The following SEMA4D variants were observed in gnomAD, a reference collection of about 807,000 sequenced individuals.
The protein encoded by SEMA4D is semaphorin-4D.
Under a neutral mutation model 74.8 loss-of-function variants are expected in SEMA4D, and 22 were observed. The ratio of observed to expected loss-of-function variants is 0.29; its 90% CI spans 0.21 to 0.42. The LOEUF is 0.42. SEMA4D is among the 10% of genes least tolerant of loss of function. The pLI, the probability that SEMA4D is intolerant of heterozygous loss-of-function variation, is 1.00. For missense variants in SEMA4D, 937 were observed against 1,118.4 expected (o/e 0.84, Z 2.31); for synonymous variants, 445 against 463.7 (o/e 0.96, Z 0.52).
intron 1 of SEMA4D, among the ~76,000 whole-genome samples, chr9:89,467,199 G>A (rs1056345202): frequency 6.6e-6 from 1 of 152,094 alleles, no homozygotes; most frequent in Admixed American, 6.5e-5. Flanking sequence ...CCTTGCACTT[G>A]TATGAGCACG....
intron 1 of SEMA4D, among the ~76,000 whole-genome samples, chr9:89,489,262 T>C (rs569470048): frequency 5.3e-5 from 8 of 152,224 alleles, no homozygotes; most frequent in Non-Finnish European, 1.0e-4. Context: ...TAATTCCACT[T>C]GTAGGTAGTT....
chr9:89,407,104 C>T (rs753940755), intron 2 of SEMA4D, among the ~76,000 whole-genome samples: 4 of 152,184 alleles, frequency 2.6e-5, no homozygotes, highest in Non-Finnish European at 5.9e-5. Flanking sequence ...TGGTAGAGAT[C>T]ACTGGCTTCC....
At chr9:89,420,495 T>TGG (rs1846685856) in intron 2 of SEMA4D, among the ~76,000 whole-genome samples, 2 of 152,250 alleles carry the variant, frequency 1.3e-5, no homozygotes, top group Non-Finnish European at 2.9e-5. Context: ...CATCCTCTCC[T>TGG]GGTGCACCCC....
intron 13 of SEMA4D, chr9:89,385,199 C>T: frequency 1.1e-6 from 1 of 936,114 alleles, no homozygotes; most frequent in Non-Finnish European, 1.3e-6. Context: ...CTTTGAGGAT[C>T]AGTGCCCATG....
intron 13 of SEMA4D, chr9:89,385,964 C>T (rs992021316): frequency 1.0e-6 from 1 of 980,550 alleles, no homozygotes; most frequent in African/African-American, 1.8e-5. Context: ...TGAGACGAAC[C>T]ACTTCTCTTG....
intron 1 of SEMA4D, among the ~76,000 whole-genome samples, chr9:89,463,305 C>G (rs1273154909): frequency 6.6e-6 from 1 of 152,208 alleles, no homozygotes; most frequent in Non-Finnish European, 1.5e-5. Context: ...GGGAAAGCCA[C>G]AGTGGAACAT....
At chr9:89,425,343 G>A (rs1847875721) in intron 2 of SEMA4D, among the ~76,000 whole-genome samples, 2 of 152,156 alleles carry the variant, frequency 1.3e-5, no homozygotes, top group South Asian at 4.1e-4. Flanking sequence ...CCTCCCCTCA[G>A]CTGGTCTTCA....
intron 2 of SEMA4D, among the ~76,000 whole-genome samples, chr9:89,431,611 C>T (rs1400476777): frequency 1.3e-5 from 2 of 152,236 alleles, no homozygotes; most frequent in Non-Finnish European, 2.9e-5. Context: ...GATCCTCCCA[C>T]CTCAGCCTCC....
chr9:89,454,173 C>T (rs1384867443), intron 2 of SEMA4D, among the ~76,000 whole-genome samples: 2 of 152,136 alleles, frequency 1.3e-5, no homozygotes, highest in African/African-American at 4.8e-5. Flanking sequence ...CAGGAAGATC[C>T]CAGCCTGGGC....
intron 2 of SEMA4D, among the ~76,000 whole-genome samples, chr9:89,432,523 A>C (rs1314085013): frequency 6.6e-6 from 1 of 152,202 alleles, no homozygotes; most frequent in African/African-American, 2.4e-5. Context: ...CCCTGTCTCT[A>C]TCTCTGGTCA....
intron 2 of SEMA4D, among the ~76,000 whole-genome samples, chr9:89,426,015 T>C (rs1024665168): frequency 1.3e-5 from 2 of 152,248 alleles, no homozygotes; most frequent in African/African-American, 4.8e-5. Context: ...AACCCTGAAC[T>C]GGTTCAGGAC....
chr9:89,384,559 G>T, intron 13 of SEMA4D: 1 of 635,452 alleles, frequency 1.6e-6, no homozygotes, highest in Non-Finnish European at 2.0e-6. Context: ...CAGACAGACA[G>T]TGGTAATGGC....
chr9:89,396,356 C>T (rs1366901770), intron 6 of SEMA4D, among the ~76,000 whole-genome samples: 1 of 152,172 alleles, frequency 6.6e-6, no homozygotes, highest in African/African-American at 2.4e-5. Flanking sequence ...CGTCCCCTCA[C>T]CCCATAGCAT....
intron 2 of SEMA4D, chr9:89,418,193 G>A (rs769641618): frequency 1.4e-5 from 11 of 764,620 alleles, no homozygotes; most frequent in Non-Finnish European, 1.8e-5. Context: ...AACACTCCTA[G>A]AAAGGCACTG....
At chr9:89,496,480 C>T (rs1365175512) in intron 1 of SEMA4D, among the ~76,000 whole-genome samples, 3 of 152,186 alleles carry the variant, frequency 2.0e-5, no homozygotes, top group Non-Finnish European at 2.9e-5. Context: ...GAGTGTACCA[C>T]GTACACTCTT....
chr9:89,403,641 T>C (rs1047492596), intron 3 of SEMA4D, among the ~76,000 whole-genome samples: 4 of 152,244 alleles, frequency 2.6e-5, no homozygotes, highest in African/African-American at 7.2e-5. Context: ...ATTTGAGCAA[T>C]AGCTGCTTAA....
intron 2 of SEMA4D, among the ~76,000 whole-genome samples, chr9:89,419,869 A>G (rs1314966232): frequency 6.6e-6 from 1 of 152,176 alleles, no homozygotes; most frequent in Non-Finnish European, 1.5e-5. Context: ...GTGAGCCAAG[A>G]TCGCGCCATT....
Position 89,484,836 on chromosome 9 carries a change from GT to G in SEMA4D, c.-310+13082del, listed in dbSNP as rs1825036764. Among the ~76,000 whole-genome samples, 1 of 150,898 alleles carries G rather than the reference GT, an allele frequency of 6.6e-6. No homozygotes were observed. Among genetic ancestry groups the G allele is most frequent in the Admixed American group, 6.6e-5 (1 of 15,120 alleles). On this transcript the variant is annotated intron_variant, in intron 1 of 15. Transcript: ENST00000422704. The surrounding 1 kb of genome is among the most constrained non-coding windows in gnomAD (Gnocchi z 4.1). Reference sequence around the variant, plus strand: ...GGTGTGTGGTGTGTGGATGTATTGTGTGGTGTGTGTGTAATGTGTGTATACT... The same window carrying G: ...GGTGTGTGGTGTGTGGATGTATTGTGGGTGTGTGTGTAATGTGTGTATACT...
chr9:89,388,830 C>A, intron 10 of SEMA4D, 38 bp from the exon 11 acceptor site: 1 of 1,607,218 alleles, frequency 6.2e-7, no homozygotes, highest in South Asian at 1.1e-5. Flanking sequence ...CACCTGGCGG[C>A]ATCAAGGGAG....
Sources: allele counts gnomAD v4.1 joint callset (sites outside exome capture counted in the v4.1 genomes callset), GRCh38; gene constraint gnomAD v4.1.1; non-coding constraint Gnocchi (gnomAD v3.1); transcripts MANE v1.5; gene names NCBI Gene and HGNC (gene_info 2026-07-23, HGNC 2026-07-21).